The following NPAS2 variants were observed in gnomAD, a reference collection of about 807,000 sequenced individuals.
NPAS2 encodes neuronal PAS domain-containing protein 2.
In NPAS2, 23 loss-of-function variants were observed where a neutral mutation model predicts 107.5. The ratio of observed to expected loss-of-function variants is 0.21; its 90% CI spans 0.15 to 0.30. NPAS2 has a LOEUF of 0.30. Ranked by LOEUF, NPAS2 falls within the 10% of genes least tolerant of loss-of-function variation. The pLI is 1.00. For synonymous variants in NPAS2, 403 were observed against 417.5 expected (o/e 0.97, Z 0.42); for missense variants, 756 against 1,043.3 (o/e 0.72, Z 3.79).
chr2:100,973,813 T>C (rs1454382240), intron 12 of NPAS2, among the ~76,000 whole-genome samples: 2 of 152,220 alleles, frequency 1.3e-5, no homozygotes, highest in African/African-American at 4.8e-5. Flanking sequence ...TTTTCTTCTT[T>C]AGCTTAAAAA....
chr2:100,940,887 G>A (rs1319242506), intron 5 of NPAS2, among the ~76,000 whole-genome samples: 5 of 152,178 alleles, frequency 3.3e-5, no homozygotes, highest in Admixed American at 1.3e-4. Flanking sequence ...GTCGCTCCTC[G>A]AGGAAGAGGC....
chr2:100,839,361 T>G (rs1573434125), intron 1 of NPAS2, among the ~76,000 whole-genome samples: 1 of 152,260 alleles, frequency 6.6e-6, no homozygotes, highest in East Asian at 1.9e-4. Flanking sequence ...ACTCCTGACC[T>G]CAGGTGATCC....
chr2:100,947,465 C>T (rs776442531), intron 5 of NPAS2, among the ~76,000 whole-genome samples: 3 of 151,722 alleles, frequency 2.0e-5, no homozygotes, highest in East Asian at 3.9e-4. Context: ...GCAGGAGAAT[C>T]GCTTGAACCT....
rs1295061474 is a variant in NPAS2, at chr2:100,873,295, TATATATATATATACAC to T, written c.-22-31436_-22-31421del. ...AAATACATATATATATATATATATA[TATATATATATATACAC>T]ACACACACACACACACACACACACA... On this transcript the variant is annotated intron_variant, in intron 1 of 20. Coordinates refer to ENST00000335681, the MANE Select transcript of NPAS2 (RefSeq NM_002518.4). Among the ~76,000 whole-genome samples the T allele has an allele frequency of 3.7e-3, 164 of 43,998 alleles. 1 individual carries two copies. Among genetic ancestry groups the T allele is most frequent in the South Asian group, 0.03 (33 of 1,100 alleles). The allele number at this position is 43,998 out of a possible 152,430, so 28.9% of individuals were successfully genotyped here.
rs948770935 is a variant in NPAS2, at chr2:100,968,662, G to A, written c.1055+234G>A. On this transcript the variant is annotated intron_variant, in intron 11 of 20. Transcript: ENST00000335681. The surrounding 1 kb of genome is among the most constrained non-coding windows in gnomAD (Gnocchi z 5.3). ...GGCTGAGACTCCTTTCAAGCTCTCA[G>A]TCAGGCCCCTTTGAACGCCTCATGG... Among the ~76,000 whole-genome samples the A allele has an allele frequency of 1.3e-5, 2 of 152,164 alleles. No individual in the cohort carries two copies. Among genetic ancestry groups the A allele is most frequent in the African/African-American group, 4.8e-5 (2 of 41,418 alleles).
At chr2:100,975,234 T>C in intron 13 of NPAS2, 1 of 587,992 alleles carries the variant, frequency 1.7e-6, no homozygotes, top group Non-Finnish European at 3.0e-6. Context: ...GGCAGCTCAT[T>C]GGACCAAGCA....
intron 1 of NPAS2, among the ~76,000 whole-genome samples, chr2:100,841,846 A>G (rs916430371): frequency 2.0e-5 from 3 of 152,198 alleles, no homozygotes; most frequent in Admixed American, 6.5e-5. Context: ...ATGCACATAC[A>G]TGCACAGCGT....
chr2:100,871,671 G>A (rs1679597007), intron 1 of NPAS2, among the ~76,000 whole-genome samples: 1 of 151,934 alleles, frequency 6.6e-6, no homozygotes, highest in Admixed American at 6.6e-5. Flanking sequence ...AGAGCATCCT[G>A]TATCCAGGCC....
At chr2:100,900,008 G>A (rs544652986) in intron 1 of NPAS2, among the ~76,000 whole-genome samples, 2 of 152,208 alleles carry the variant, frequency 1.3e-5, no homozygotes, top group African/African-American at 2.4e-5. Flanking sequence ...AGCTTCTAGA[G>A]GAAAACATAG....
rs548527869 is a variant in NPAS2 at position 100,898,692 on chromosome 2, A to G, written c.-22-6041A>G. Among the ~76,000 whole-genome samples, 23 of 152,204 alleles carry G rather than the reference A, an allele frequency of 1.5e-4. No homozygotes were observed. In the South Asian group the frequency reaches 4.1e-3, roughly 27 times the overall value. ...TTAATCTGATACAGGTTCACTCATTATATATCTAAGTCCAAAAGTACAGGC... is the reference window on the plus strand; with the variant it reads ...TTAATCTGATACAGGTTCACTCATTGTATATCTAAGTCCAAAAGTACAGGC... On this transcript the variant is annotated intron_variant, in intron 1 of 20. Transcript: ENST00000335681.
At chr2:100,972,061 C>T (rs1228911739) in intron 12 of NPAS2, among the ~76,000 whole-genome samples, 1 of 151,768 alleles carries the variant, frequency 6.6e-6, no homozygotes, top group African/African-American at 2.4e-5. Flanking sequence ...AATTTTCCTG[C>T]CTTAGTCTCC....
rs17718481 is a variant in NPAS2, at chr2:100,970,314, C to T, written c.1056-676C>T. Among the ~76,000 whole-genome samples the T allele has an allele frequency of 1.2e-3, 179 of 152,350 alleles. 2 individuals are homozygous for T. Among genetic ancestry groups the T allele is most frequent in the African/African-American group, 4.2e-3 (175 of 41,584 alleles). On this transcript the variant is annotated intron_variant, in intron 11 of 20. Transcript: ENST00000335681. ...ACCTCTCAAATCCTTGGAAGAAACTCTCAGAGAAAGGAGGAAGAGAACAGA... is the reference window on the plus strand; with the variant it reads ...ACCTCTCAAATCCTTGGAAGAAACTTTCAGAGAAAGGAGGAAGAGAACAGA...
At chr2:100,900,466 G>A (rs571177779) in intron 1 of NPAS2, among the ~76,000 whole-genome samples, 1 of 152,138 alleles carries the variant, frequency 6.6e-6, no homozygotes, top group Non-Finnish European at 1.5e-5. Flanking sequence ...CACTACTGGT[G>A]CAAATATGAA....
intron 15 of NPAS2, among the ~76,000 whole-genome samples, chr2:100,981,658 G>C (rs763517728): frequency 6.6e-6 from 1 of 152,108 alleles, no homozygotes; most frequent in Non-Finnish European, 1.5e-5. Context: ...ACAGATTTCC[G>C]AGACGTGCAT....
intron 1 of NPAS2, among the ~76,000 whole-genome samples, chr2:100,841,418 A>G (rs1677390835): frequency 6.6e-6 from 1 of 152,178 alleles, no homozygotes; most frequent in African/African-American, 2.4e-5. Flanking sequence ...TCCAGCCTGG[A>G]TGAAAGAGCG....
chr2:100,986,699 C>T (rs1677799135), intron 16 of NPAS2: 1 of 152,224 alleles, frequency 6.6e-6, no homozygotes, highest in South Asian at 2.1e-4. Context: ...AGTCAACTGA[C>T]AGATTCCGTT....
At chr2:100,954,859 GTT>G (rs201270741) in intron 7 of NPAS2, among the ~76,000 whole-genome samples, 1 of 133,400 alleles carries the variant, frequency 7.5e-6, no homozygotes, top group South Asian at 2.9e-4. Context: ...TCATTTTTTT[GTT>G]TTTTTTGTTT....
chr2:100,864,411 T>C (rs1218438429), intron 1 of NPAS2, among the ~76,000 whole-genome samples: 1 of 152,226 alleles, frequency 6.6e-6, no homozygotes, highest in African/African-American at 2.4e-5. Flanking sequence ...CGGATATAAA[T>C]AAAGCCTCTC....
intron 1 of NPAS2, among the ~76,000 whole-genome samples, chr2:100,865,210 T>C (rs1679178375): frequency 6.6e-6 from 1 of 152,208 alleles, no homozygotes; most frequent in Non-Finnish European, 1.5e-5. Flanking sequence ...GAGTAATTAG[T>C]TGAACTGGAA....
Sources: gnomAD v4.1 joint callset for allele counts (sites outside exome capture counted in the v4.1 genomes callset) on GRCh38, gnomAD v4.1.1 for gene constraint, Gnocchi (gnomAD v3.1) non-coding constraint, MANE v1.5 for transcripts, NCBI Gene and HGNC (gene_info 2026-07-23, HGNC 2026-07-21) for gene names.